Variants in CDH12 observed in about 807,000 individuals in gnomAD.
CDH12 encodes the protein cadherin 12, also known as cadherin-12.
In CDH12, 41 loss-of-function variants were observed where a neutral mutation model predicts 74.1. The observed-to-expected ratio is 0.55, with a 90% CI of 0.43 to 0.72. The LOEUF is 0.72. Among genes scored for constraint, CDH12 ranks in the 30% least tolerant of loss-of-function variants. The pLI, the probability that CDH12 is intolerant of heterozygous loss-of-function variation, is 0.00. For synonymous variants in CDH12, 399 were observed against 355.0 expected (o/e 1.12, Z -1.39); for missense variants, 945 against 977.2 (o/e 0.97, Z 0.44).
chr5:22,360,229 TA>T (rs1278095303), intron 3 of CDH12, among the ~76,000 whole-genome samples: 2 of 151,980 alleles, frequency 1.3e-5, no homozygotes, highest in African/African-American at 4.8e-5. Context: ...ATAGATGCAA[TA>T]AAAAATGATA....
At chr5:21,965,316 A>T (rs1336168825) in intron 6 of CDH12, among the ~76,000 whole-genome samples, 1 of 152,028 alleles carries the variant, frequency 6.6e-6, no homozygotes, top group Non-Finnish European at 1.5e-5. Flanking sequence ...GAGGGGAAAA[A>T]GGGTATATTA....
intron 3 of CDH12, among the ~76,000 whole-genome samples, chr5:22,355,669 G>A (rs552249648): frequency 5.9e-5 from 9 of 152,012 alleles, no homozygotes; most frequent in East Asian, 1.9e-4. Context: ...ACCTGCTCTC[G>A]GATCTCATTC....
In CDH12 at chr5:22,588,562, G is replaced by A. The variant is rs1374336911; in HGVS notation, c.-522-83198C>T. On this transcript the variant is annotated intron_variant, in intron 1 of 14. Coordinates refer to ENST00000382254, the MANE Select transcript of CDH12 (RefSeq NM_004061.5). ...TGAAGTTGCAACATGAGTAATATCCGTACAATAAACTGTTAAGAGAATTGC... is the reference window on the plus strand; with the variant it reads ...TGAAGTTGCAACATGAGTAATATCCATACAATAAACTGTTAAGAGAATTGC... 7.9e-5 allele frequency among the ~76,000 whole-genome samples: 12 copies of A among 152,108 alleles called. No homozygotes were observed. In the East Asian group the frequency reaches 1.7e-3, roughly 22 times the overall value.
At chr5:22,490,672 G>C (rs1746825623) in intron 2 of CDH12, among the ~76,000 whole-genome samples, 2 of 151,966 alleles carry the variant, frequency 1.3e-5, no homozygotes. Flanking sequence ...GATGGCCATA[G>C]TTTGCTGTCT....
intron 1 of CDH12, among the ~76,000 whole-genome samples, chr5:22,842,055 G>A (rs1737102615): frequency 1.3e-5 from 2 of 152,102 alleles, no homozygotes; most frequent in Admixed American, 1.3e-4. Flanking sequence ...CAGAACAGGT[G>A]AAAAACCTCA....
intron 3 of CDH12, among the ~76,000 whole-genome samples, chr5:22,359,271 G>C (rs1240057133): frequency 6.6e-6 from 1 of 152,138 alleles, no homozygotes; most frequent in Admixed American, 6.6e-5. Context: ...AAAGGCAGGG[G>C]TTGCAATCCT....
chr5:22,198,905 T>TA (rs1750770276), intron 4 of CDH12, among the ~76,000 whole-genome samples: 2 of 152,044 alleles, frequency 1.3e-5, no homozygotes, highest in East Asian at 1.9e-4. Context: ...ATTTATTTAG[T>TA]AAAAAAAGCA....
At chr5:22,244,923 T>C (rs1292133709) in intron 3 of CDH12, among the ~76,000 whole-genome samples, 5 of 151,576 alleles carry the variant, frequency 3.3e-5, no homozygotes, top group Non-Finnish European at 4.4e-5. Context: ...CCAGCAGAAG[T>C]GAGGGACAAA....
chr5:22,844,100 T>C (rs1737197558), intron 1 of CDH12, among the ~76,000 whole-genome samples: 1 of 152,108 alleles, frequency 6.6e-6, no homozygotes, highest in Non-Finnish European at 1.5e-5. Flanking sequence ...TGTCATTCTG[T>C]TCCGGAAGAC....
chr5:22,604,809 C>T (rs1015615018), intron 1 of CDH12, among the ~76,000 whole-genome samples: 4 of 152,098 alleles, frequency 2.6e-5, no homozygotes, highest in African/African-American at 9.7e-5. Context: ...TTTGGGCTCT[C>T]ACTTGCTCCA....
At chr5:22,749,346 T>G (rs997431936) in intron 1 of CDH12, among the ~76,000 whole-genome samples, 4 of 152,214 alleles carry the variant, frequency 2.6e-5, no homozygotes, top group Non-Finnish European at 5.9e-5. Flanking sequence ...CTACTTTGAT[T>G]CATAGAATGC....
At chr5:22,696,518 G>A (rs902346181) in intron 1 of CDH12, among the ~76,000 whole-genome samples, 1 of 151,590 alleles carries the variant, frequency 6.6e-6, no homozygotes, top group African/African-American at 2.4e-5. Context: ...TACCTTTTTA[G>A]TATTAATACA....
intron 3 of CDH12, among the ~76,000 whole-genome samples, chr5:22,339,749 A>T (rs1354414934): frequency 6.6e-6 from 1 of 152,212 alleles, no homozygotes; most frequent in Non-Finnish European, 1.5e-5. Flanking sequence ...AGCCTTTAGC[A>T]GGTCTTTGAA....
At chr5:22,380,739 G>C (rs1202524146) in intron 3 of CDH12, among the ~76,000 whole-genome samples, 1 of 152,074 alleles carries the variant, frequency 6.6e-6, no homozygotes, top group Non-Finnish European at 1.5e-5. Flanking sequence ...TCCTGTAATT[G>C]TTCTGTGATT....
intron 1 of CDH12, among the ~76,000 whole-genome samples, chr5:22,839,384 C>T (rs55870151): frequency 0.28 from 35,406 of 127,938 alleles, 4,520 homozygotes; most frequent in East Asian, 0.35. Context: ...GATGAAGTTT[C>T]GCTCTTGTTG....
At chr5:22,322,392 T>C (rs1191698682) in intron 3 of CDH12, among the ~76,000 whole-genome samples, 1 of 151,888 alleles carries the variant, frequency 6.6e-6, no homozygotes, top group Non-Finnish European at 1.5e-5. Flanking sequence ...GGTAATCTGC[T>C]TTGATTTAAT....
At chr5:21,775,061 A>T (rs1291477099) in intron 11 of CDH12, among the ~76,000 whole-genome samples, 7 of 152,206 alleles carry the variant, frequency 4.6e-5, no homozygotes, top group Admixed American at 4.6e-4. Context: ...GAAATGTTCC[A>T]GGTGTCTCTG....
chr5:22,640,996 C>A (rs1348451605), intron 1 of CDH12, among the ~76,000 whole-genome samples: 2 of 152,178 alleles, frequency 1.3e-5, no homozygotes, highest in African/African-American at 4.8e-5. Flanking sequence ...CAACTTCCCC[C>A]ACTTCACTTC....
At chr5:22,385,670 T>C (rs1741965843) in intron 3 of CDH12, among the ~76,000 whole-genome samples, 1 of 152,020 alleles carries the variant, frequency 6.6e-6, no homozygotes, top group Non-Finnish European at 1.5e-5. Context: ...AGACGGCCTG[T>C]ATTTTTAGTC....
Sources: allele counts gnomAD v4.1 joint callset (sites outside exome capture counted in the v4.1 genomes callset), GRCh38; gene constraint gnomAD v4.1.1; transcripts MANE v1.5; gene names NCBI Gene and HGNC (gene_info 2026-07-23, HGNC 2026-07-21).